HOXD10: variants seen among roughly 807,000 people sequenced by gnomAD.
The protein encoded by HOXD10 is homeobox D10.
A neutral mutation model predicts 27.0 loss-of-function variants in HOXD10; 15 were observed. That is an observed-to-expected ratio of 0.56 (90% CI 0.37 to 0.85). The LOEUF is 0.85. Ranked by LOEUF, HOXD10 falls within the 40% of genes least tolerant of loss-of-function variation. The pLI is 0.00. For synonymous variants in HOXD10, 178 were observed against 160.9 expected (o/e 1.11, Z -0.80); for missense variants, 440 against 430.4 (o/e 1.02, Z -0.20).
chr2:176,118,230 A>G (rs1343179167), intron 1 of HOXD10, among the ~76,000 whole-genome samples: 1 of 152,220 alleles, frequency 6.6e-6, no homozygotes, highest in Admixed American at 6.5e-5. Context: ...GCTAAGGCAA[A>G]GAGCCAGGGA....
At position 176,117,561 on chromosome 2, in the gene HOXD10, A is replaced by T; in HGVS notation, c.728A>T (p.Gln243Leu). 1 of 1,613,150 alleles carries T rather than the reference A, an allele frequency of 6.2e-7. No homozygotes were observed. Among genetic ancestry groups the T allele is most frequent in the East Asian group, 2.2e-5 (1 of 44,880 alleles). The change falls in exon 1 of 2, where the codon CAG (glutamine) becomes CTG (leucine). Residue 243 changes from glutamine (Q) to leucine (L), a missense_variant. By Grantham distance (113) the Gln-to-Leu change is moderately radical (BLOSUM62 -2). Coordinates refer to ENST00000249501, the MANE Select transcript of HOXD10 (RefSeq NM_002148.4). ...AEVSVSSPEVQEKESKEEIKS... is the reference protein window; with the variant it reads ...AEVSVSSPEVLEKESKEEIKS... ...GTCTCCGTGTCCAGTCCCGAAGTGC[A>T]GGAGAAGGAAAGCAAAGGTCGGTAT...
Position 176,119,259 on chromosome 2 carries a change from A to G in HOXD10, c.*28A>G, listed in dbSNP as rs754325981. 1.2e-6 allele frequency: 2 copies of G among 1,610,420 alleles called. No homozygotes were observed. The highest frequency in any genetic ancestry group is 2.7e-5 in the African/African-American group (2 of 74,712). ...CTGAGGCCGGTCTGAGGCCGGTCAG[A>G]GGCCAGGATTGGAGAGGGGGCACCG... On this transcript the variant is annotated 3_prime_UTR_variant, in exon 2 of 2. Transcript: ENST00000249501.
At position 176,119,807 on chromosome 2, in the gene HOXD10, G is replaced by A. The variant is rs184375199; in HGVS notation, c.*576G>A. The A allele has an allele frequency of 2.6e-5, 4 of 152,694 alleles. No homozygotes were observed. The highest frequency in any genetic ancestry group is 5.9e-5 in the Non-Finnish European group (4 of 68,026). The allele number at this position is 152,694 out of a possible 1,614,324, so 9.5% of individuals were successfully genotyped here. ...TTTAGCAGTTGTCCTTGGTGAGATG[G>A]GATATTGGCGATTTATGCCTTGTAG... is the stretch of plus-strand genomic sequence containing the variant. On this transcript the variant is annotated 3_prime_UTR_variant, in exon 2 of 2. Transcript: ENST00000249501.
At chr2:176,118,655 A>G (rs1219545819) in intron 1 of HOXD10, among the ~76,000 whole-genome samples, 1 of 152,140 alleles carries the variant, frequency 6.6e-6, no homozygotes, top group African/African-American at 2.4e-5. Context: ...ACAAGTGAGA[A>G]AGTTGAAAGA....
chr2:176,119,134 A>C lies in HOXD10; in HGVS notation c.926A>C (p.Gln309Pro). Reference protein sequence around the residue: ...ISKSVNLTDRQVKIWFQNRRM... With the variant: ...ISKSVNLTDRPVKIWFQNRRM... ...AAGAGCGTTAACCTCACCGACAGGC[A>C]GGTCAAGATTTGGTTTCAAAACCGC... The change falls in exon 2 of 2, where the codon CAG becomes CCG. Residue 309 changes from glutamine to proline, a missense_variant. Coordinates refer to ENST00000249501, the MANE Select transcript of HOXD10 (RefSeq NM_002148.4). 6.2e-7 allele frequency: 1 copy of C among 1,614,032 alleles called. No homozygotes were observed. Among genetic ancestry groups the C allele is most frequent in the Non-Finnish European group, 8.5e-7 (1 of 1,180,000 alleles).
chr2:176,117,671 C>A (rs1478346157), intron 1 of HOXD10, 93 bp downstream of exon 1: 8 of 1,427,460 alleles, frequency 5.6e-6, no homozygotes, highest in Non-Finnish European at 7.8e-6. Flanking sequence ...CGAGCCGGAG[C>A]CCGACTTGGC....
chr2:176,118,485 G>C (rs950565691), intron 1 of HOXD10, among the ~76,000 whole-genome samples: 14 of 152,230 alleles, frequency 9.2e-5, no homozygotes, highest in African/African-American at 2.9e-4. Context: ...CTGCCTAGGA[G>C]AGGTGGGGAA....
chr2:176,118,931 T>C (rs367647457), intron 1 of HOXD10, 23 bp from the exon 2 acceptor site: 2 of 1,601,126 alleles, frequency 1.2e-6, no homozygotes, highest in South Asian at 1.1e-5. Context: ...ATTTTTTTCT[T>C]CTTCTCCCTT....
Position 176,119,924 on chromosome 2 carries a change from A to C in HOXD10, c.*693A>C, listed in dbSNP as rs1017950797. ...TTCTGGTCGCATGTATAATGCAATA[A>C]ACTCTGGAAATGAGTTCACTCCCTC... is the stretch of plus-strand genomic sequence containing the variant. On this transcript the variant is annotated 3_prime_UTR_variant, in exon 2 of 2. Transcript: ENST00000249501. The C allele has an allele frequency of 1.3e-5, 2 of 152,610 alleles. No individual in the cohort carries two copies. The highest frequency in any genetic ancestry group is 4.8e-5 in the African/African-American group (2 of 41,438). 9.5% of individuals were successfully genotyped at this position (152,610 alleles called of 1,614,324 possible).
In HOXD10 at chr2:176,119,003, T is replaced by A. The variant is rs1288056101; in HGVS notation, c.795T>A (p.Ser265Arg). The A allele has an allele frequency of 6.2e-7, 1 of 1,613,056 alleles. No individual in the cohort carries two copies. Among genetic ancestry groups the A allele is most frequent in the East Asian group, 2.2e-5 (1 of 44,840 alleles). ...CCAGCAATTGGCTCACTGCAAAGAG[T>A]GGCAGAAAGAAGAGGTGCCCTTACA... Reference protein sequence around the residue: ...TPTSNWLTAKSGRKKRCPYTK... With the variant: ...TPTSNWLTAKRGRKKRCPYTK... Residue 265 changes from serine (S) to arginine (R), a missense_variant, in exon 2 of 2, where the codon AGT becomes AGA. Ser to Arg is a moderately radical substitution (Grantham distance 110). Transcript: ENST00000249501.
intron 1 of HOXD10, among the ~76,000 whole-genome samples, chr2:176,117,886 G>C (rs929053792): frequency 1.3e-5 from 2 of 152,194 alleles, no homozygotes; most frequent in African/African-American, 4.8e-5. Context: ...TCATAAACAC[G>C]ACCACAGAGC....
Position 176,119,435 on chromosome 2 carries a change from G to GTATATATACATATATATA in HOXD10, c.*212_*213insCATATATATATATATATA, listed in dbSNP as rs1689828080. On this transcript the variant is annotated 3_prime_UTR_variant, in exon 2 of 2. Transcript: ENST00000249501. Reference sequence around the variant, plus strand: ...TGCAAGTGATCTGTAATCCCTATGAGTATATATATATATATATATATATAT... The same window carrying GTATATATACATATATATA: ...TGCAAGTGATCTGTAATCCCTATGAGTATATATACATATATATATATATATATATATATATATATATAT... The GTATATATACATATATATA allele has an allele frequency of 5.6e-6, 1 of 177,804 alleles. No individual in the cohort carries two copies. Among genetic ancestry groups the GTATATATACATATATATA allele is most frequent in the Non-Finnish European group, 1.0e-5 (1 of 95,632 alleles). 11.0% of individuals were successfully genotyped at this position (177,804 alleles called of 1,614,324 possible). A position where few individuals can be genotyped will look rare whatever the true frequency, so the allele number is the denominator to read the frequency against.
chr2:176,118,020 G>T (rs746087289), intron 1 of HOXD10, among the ~76,000 whole-genome samples: 2 of 152,220 alleles, frequency 1.3e-5, no homozygotes, highest in African/African-American at 4.8e-5. Context: ...GAGCTTGGGG[G>T]TGGTGAGGGG....
intron 1 of HOXD10, among the ~76,000 whole-genome samples, chr2:176,118,743 C>T (rs1019608822): frequency 6.6e-6 from 1 of 152,176 alleles, no homozygotes; most frequent in Admixed American, 6.5e-5. Context: ...GATTCCCTTC[C>T]AAGGCCCACT....
intron 1 of HOXD10, among the ~76,000 whole-genome samples, chr2:176,118,220 G>T (rs1372467828): frequency 6.6e-6 from 1 of 152,248 alleles, no homozygotes; most frequent in African/African-American, 2.4e-5. Context: ...TTAGGGCTGG[G>T]CTAAGGCAAA....
At position 176,118,973 on chromosome 2, in the gene HOXD10, A is replaced by G. The variant is rs753553717; in HGVS notation, c.765A>G (p.Thr255=). ...TGTTAGAGGAAATCAAGTCTGATAC[A>G]CCAACCAGCAATTGGCTCACTGCAA... ...KESKEEIKSD[T]PTSNWLTAKS... The change falls in exon 2 of 2, where the codon ACA becomes ACG. Residue 255 remains threonine, a synonymous_variant. Coordinates refer to ENST00000249501, the MANE Select transcript of HOXD10 (RefSeq NM_002148.4). The G allele has an allele frequency of 3.7e-6, 6 of 1,613,592 alleles. No homozygotes were observed. Among genetic ancestry groups the G allele is most frequent in the Non-Finnish European group, 5.1e-6 (6 of 1,179,778 alleles).
At position 176,119,277 on chromosome 2, in the gene HOXD10, G is replaced by C. The variant is rs758113477; in HGVS notation, c.*46G>C. On this transcript the variant is annotated 3_prime_UTR_variant, in exon 2 of 2. Transcript: ENST00000249501. The stretch of plus-strand genomic sequence containing the variant: ...CGGTCAGAGGCCAGGATTGGAGAGG[G>C]GGCACCGCGTTCCAGGGCCCAGTGC... 3.0e-5 allele frequency: 48 copies of C among 1,600,656 alleles called. No individual in the cohort carries two copies. Among genetic ancestry groups the C allele is most frequent in the Non-Finnish European group, 4.0e-5 (47 of 1,172,244 alleles).
intron 1 of HOXD10, 91 bp from the exon 2 acceptor site, chr2:176,118,863 C>T: frequency 8.0e-7 from 1 of 1,254,346 alleles, no homozygotes; most frequent in South Asian, 1.3e-5. Context: ...AAAACGAAAA[C>T]CAAAACCAAA....
chr2:176,119,320 G>C lies in HOXD10; in HGVS notation c.*89G>C, dbSNP rs1406737936. 34 of 1,359,982 alleles carry C rather than the reference G, an allele frequency of 2.5e-5. No individual in the cohort carries two copies. The highest frequency in any genetic ancestry group is 3.4e-5 in the Non-Finnish European group (33 of 968,132). The allele number at this position is 1,359,982 out of a possible 1,614,324, so 84.2% of individuals were successfully genotyped here. The stretch of plus-strand genomic sequence containing the variant: ...CCCAGTGCTGGAGGACTGGGAAAGC[G>C]GAAACAAAACCTTCACCGCTCTTTG... On this transcript the variant is annotated 3_prime_UTR_variant, in exon 2 of 2. Transcript: ENST00000249501.
Sources: allele counts gnomAD v4.1 joint callset (sites outside exome capture counted in the v4.1 genomes callset), GRCh38; gene constraint gnomAD v4.1.1; transcripts MANE v1.5; gene names NCBI Gene and HGNC (gene_info 2026-07-23, HGNC 2026-07-21).